TTC4: variants seen among roughly 807,000 people sequenced by gnomAD.
TTC4 encodes hsp70/Hsp90 co-chaperone CNS1 homolog.
TTC4 carries 36 observed loss-of-function variants against 51.9 expected under a neutral mutation model. The ratio of observed to expected loss-of-function variants is 0.69; its 90% CI spans 0.53 to 0.92. The LOEUF is 0.92. Among genes scored for constraint, TTC4 ranks in the 40% least tolerant of loss-of-function variants. The pLI, the probability that TTC4 is intolerant of heterozygous loss-of-function variation, is 0.00. For missense variants in TTC4, 399 were observed against 454.6 expected (o/e 0.88, Z 1.11); for synonymous variants, 144 against 164.2 (o/e 0.88, Z 0.94).
In TTC4 at chr1:54,736,994, C is replaced by T. The variant is rs367918304; in HGVS notation, c.979-588C>T. 3 of 153,362 alleles carry T rather than the reference C, an allele frequency of 2.0e-5. No homozygotes were observed. In the East Asian group the frequency reaches 5.8e-4, roughly 30 times the overall value. 9.5% of individuals were successfully genotyped at this position (153,362 alleles called of 1,614,324 possible). ...TTACTTGTCCCCATGCATGGATACCCTTTTCACCCCACATGGCCTCTGACA... is the reference window on the plus strand; with the variant it reads ...TTACTTGTCCCCATGCATGGATACCTTTTTCACCCCACATGGCCTCTGACA... On this transcript the variant is annotated intron_variant, in intron 8 of 9. Transcript: ENST00000371281.
intron 7 of TTC4, 60 bp downstream of exon 7, chr1:54,731,760 A>C: frequency 2.6e-6 from 4 of 1,523,516 alleles, no homozygotes; most frequent in Non-Finnish European, 1.8e-6. Flanking sequence ...TTTTTGTGGC[A>C]GGAGGGACGA....
At chr1:54,719,228 C>T (rs1645714093) in intron 3 of TTC4, among the ~76,000 whole-genome samples, 1 of 139,626 alleles carries the variant, frequency 7.2e-6, no homozygotes, top group Non-Finnish European at 1.5e-5. Flanking sequence ...CTGACTGCTT[C>T]TTAAGTAGAT....
intron 9 of TTC4, among the ~76,000 whole-genome samples, chr1:54,738,061 C>T (rs113850704): frequency 0.056 from 8,438 of 151,944 alleles, 253 homozygotes; most frequent in South Asian, 0.079. Flanking sequence ...CCACCACGCC[C>T]GGCTAACTTT....
At chr1:54,720,566 C>T (rs563899409) in intron 3 of TTC4, among the ~76,000 whole-genome samples, 1 of 151,204 alleles carries the variant, frequency 6.6e-6, no homozygotes, top group East Asian at 1.9e-4. Flanking sequence ...GAACAGACAT[C>T]CTACCGTGTT....
At chr1:54,732,650 G>A (rs1406737644) in intron 7 of TTC4, among the ~76,000 whole-genome samples, 2 of 151,752 alleles carry the variant, frequency 1.3e-5, no homozygotes, top group African/African-American at 4.8e-5. Context: ...GGTAGACACA[G>A]AGTCTCTCTA....
chr1:54,737,437 A>C (rs1645959287), intron 8 of TTC4, 145 bp from the exon 9 acceptor site: 1 of 634,318 alleles, frequency 1.6e-6, no homozygotes, highest in Non-Finnish European at 2.7e-6. Context: ...GGGGTACTAA[A>C]TGCAAAGCAC....
At chr1:54,721,381 T>C (rs1171067000) in intron 4 of TTC4, 141 bp downstream of exon 4, 2 of 638,200 alleles carry the variant, frequency 3.1e-6, no homozygotes, top group Non-Finnish European at 5.1e-6. Context: ...TTTAAAAGAA[T>C]TCCTCAGAGA....
chr1:54,726,580 C>T (rs984959934), intron 5 of TTC4, among the ~76,000 whole-genome samples: 1 of 152,096 alleles, frequency 6.6e-6, no homozygotes, highest in African/African-American at 2.4e-5. Flanking sequence ...AAAACAATTC[C>T]ATTTTAAATA....
At chr1:54,716,086 C>G (rs1420112485) in intron 1 of TTC4, 67 bp downstream of exon 1, 1 of 1,266,404 alleles carries the variant, frequency 7.9e-7, no homozygotes, top group Admixed American at 2.0e-5. Context: ...CACCCGGGCT[C>G]TGGGGCACCT....
At chr1:54,737,711 T>C (rs1645963955) in intron 9 of TTC4, 47 bp downstream of exon 9, 1 of 1,565,020 alleles carries the variant, frequency 6.4e-7, no homozygotes, top group African/African-American at 1.3e-5. Context: ...ATGCTCAGTG[T>C]ATTAGTCCAT....
rs1645865472 is a variant in TTC4 at position 54,731,543 on chromosome 1, G to A, written c.739G>A (p.Gly247Ser). 3.1e-6 allele frequency: 5 copies of A among 1,613,902 alleles called. No individual in the cohort carries two copies. The highest frequency in any genetic ancestry group is 1.3e-5 in the African/African-American group (1 of 74,890). Residue 247 changes from glycine to serine, a missense_variant, in exon 7 of 10, where the codon GGT becomes AGT. Coordinates refer to ENST00000371281, the MANE Select transcript of TTC4 (RefSeq NM_004623.5). ...TGAGGATGAAGATTCAGCCTCAGAAGGTCTAGGTGAGCTTTTCCTGGATGG... is the reference window on the plus strand; with the variant it reads ...TGAGGATGAAGATTCAGCCTCAGAAAGTCTAGGTGAGCTTTTCCTGGATGG... The part of the protein sequence containing the change: ...ACEDEDSASE[G>S]LGELFLDGLS...
chr1:54,728,284 G>C (rs1557747405), intron 5 of TTC4, 62 bp from the exon 6 acceptor site: 1 of 1,458,576 alleles, frequency 6.9e-7, no homozygotes, highest in Non-Finnish European at 9.5e-7. Flanking sequence ...TTAGGAGCAG[G>C]CTAGTGCAAT....
Position 54,733,681 on chromosome 1 carries a change from GA to G in TTC4, c.950del (p.Glu317GlyfsTer41). The G allele has an allele frequency of 6.2e-7, 1 of 1,600,014 alleles. No individual in the cohort carries two copies. The highest frequency in any genetic ancestry group is 8.5e-7 in the Non-Finnish European group (1 of 1,172,300). On this transcript the variant is annotated frameshift_variant, in exon 8 of 10. Coordinates refer to ENST00000371281, the MANE Select transcript of TTC4 (RefSeq NM_004623.5). LOFTEE classifies it high-confidence loss of function. ...MFGETPSWDL[E>X]QKYCPDNLEV... The stretch of plus-strand genomic sequence containing the variant: ...TGGTGAAACACCCTCTTGGGACCTA[GA>G]GCAAAAATATTGCCCTGATAATTTG...
chr1:54,734,008 C>T (rs1468544399), intron 8 of TTC4, among the ~76,000 whole-genome samples: 1 of 152,080 alleles, frequency 6.6e-6, no homozygotes, highest in African/African-American at 2.4e-5. Context: ...TTATGTCTGG[C>T]TTATTTCACT....
At chr1:54,732,783 C>CT (rs1645883490) in intron 7 of TTC4, among the ~76,000 whole-genome samples, 1 of 150,784 alleles carries the variant, frequency 6.6e-6, no homozygotes, top group Non-Finnish European at 1.5e-5. Context: ...AACCTTGAAG[C>CT]TGTTTAAAGA....
At chr1:54,720,438 T>A (rs1645729488) in intron 3 of TTC4, among the ~76,000 whole-genome samples, 1 of 117,048 alleles carries the variant, frequency 8.5e-6, no homozygotes, top group African/African-American at 2.7e-5. Context: ...GACTGCATAC[T>A]TTTTTTTTTT....
chr1:54,738,661 CT>C (rs567268643), intron 9 of TTC4, among the ~76,000 whole-genome samples: 155 of 138,676 alleles, frequency 1.1e-3, no homozygotes, highest in Admixed American at 1.8e-3. Context: ...CTAGGATGGC[CT>C]TTTTTTTTTT....
chr1:54,738,895 T>C (rs1463621041), intron 9 of TTC4, among the ~76,000 whole-genome samples: 1 of 151,970 alleles, frequency 6.6e-6, no homozygotes, highest in African/African-American at 2.4e-5. Flanking sequence ...ACTCCTGACC[T>C]CAGGTGATCC....
At chr1:54,738,619 A>C (rs1018377400) in intron 9 of TTC4, among the ~76,000 whole-genome samples, 4 of 151,766 alleles carry the variant, frequency 2.6e-5, no homozygotes, top group African/African-American at 9.7e-5. Flanking sequence ...TTTGAAGGGA[A>C]AAGCTGCCTG....
Sources: gnomAD v4.1 joint callset for allele counts (sites outside exome capture counted in the v4.1 genomes callset) on GRCh38, gnomAD v4.1.1 for gene constraint, MANE v1.5 for transcripts, NCBI Gene and HGNC (gene_info 2026-07-23, HGNC 2026-07-21) for gene names.